The following VAC14 variants were observed in gnomAD, a reference collection of about 807,000 sequenced individuals.
VAC14 encodes protein VAC14 homolog.
VAC14 carries 47 observed loss-of-function variants against 85.3 expected under a neutral mutation model. The ratio of observed to expected loss-of-function variants is 0.55; its 90% CI spans 0.44 to 0.70. The LOEUF (loss-of-function observed/expected upper bound fraction) is 0.70. Ranked by LOEUF, VAC14 falls within the 30% of genes least tolerant of loss-of-function variation. VAC14 has a pLI of 0.00. For synonymous variants in VAC14, 447 were observed against 430.5 expected, an observed-to-expected ratio of 1.04 and a Z score of -0.47; for missense variants, 861 against 1,004.3, an observed-to-expected ratio of 0.86 and a Z score of 1.93.
intron 14 of VAC14, among the ~76,000 whole-genome samples, chr16:70,727,056 T>C (rs1024990972): frequency 2.6e-5 from 4 of 152,216 alleles, no homozygotes; most frequent in Non-Finnish European, 5.9e-5. Flanking sequence ...CCCCACCAGA[T>C]GTGTGTCTTC....
At chr16:70,738,941 T>C (rs1346446899) in intron 13 of VAC14, among the ~76,000 whole-genome samples, 2 of 152,144 alleles carry the variant, frequency 1.3e-5, no homozygotes, top group East Asian at 1.9e-4. Flanking sequence ...AGATGTGAAC[T>C]TCACCACCCA....
At chr16:70,706,161 G>C (rs2053916772) in intron 14 of VAC14, among the ~76,000 whole-genome samples, 1 of 152,224 alleles carries the variant, frequency 6.6e-6, no homozygotes, top group Non-Finnish European at 1.5e-5. Flanking sequence ...GGGTGTCATG[G>C]GGCATGGGGT....
Position 70,783,135 on chromosome 16 carries a change from C to G in VAC14, c.709G>C (p.Glu237Gln), listed in dbSNP as rs772499079. ...TTTAAGAATTCTCCAAGAACAACCT[C>G]ACACCTATGAACAAGAACAGGAAAG... ...DNGKEIRKMC[E>Q]VVLGEFLKEI... Residue 237 changes from glutamate to glutamine, a missense_variant, in exon 7 of 19, where the codon GAG becomes CAG. Glu to Gln is a conservative substitution (Grantham distance 29, BLOSUM62 2). Transcript: ENST00000261776. The G allele has an allele frequency of 6.2e-7, 1 of 1,613,780 alleles. No homozygotes were observed. The highest frequency in any genetic ancestry group is 8.5e-7 in the Non-Finnish European group (1 of 1,179,860).
chr16:70,708,189 C>T (rs1172205138), intron 14 of VAC14, among the ~76,000 whole-genome samples: 1 of 152,206 alleles, frequency 6.6e-6, no homozygotes, highest in Non-Finnish European at 1.5e-5. Context: ...ACAGCCCTCC[C>T]CTGTCTCCTG....
At chr16:70,696,876 C>A in intron 16 of VAC14, 1 of 415,414 alleles carries the variant, frequency 2.4e-6, no homozygotes, top group Non-Finnish European at 4.6e-6. Flanking sequence ...GCTGGGCCTA[C>A]TCAGTCCCAA....
intron 9 of VAC14, among the ~76,000 whole-genome samples, chr16:70,776,581 CT>C (rs1168831082): frequency 2.6e-5 from 4 of 152,006 alleles, no homozygotes; most frequent in Non-Finnish European, 5.9e-5. Flanking sequence ...AACTTTTAAC[CT>C]TTTTTCAGTT....
intron 13 of VAC14, among the ~76,000 whole-genome samples, chr16:70,737,103 C>T (rs1475999051): frequency 6.6e-6 from 1 of 152,184 alleles, no homozygotes; most frequent in Non-Finnish European, 1.5e-5. Context: ...ACAAGCTCAC[C>T]CCGGGAGGGT....
intron 9 of VAC14, 67 bp from the exon 10 acceptor site, chr16:70,772,239 G>T: frequency 7.3e-7 from 1 of 1,372,334 alleles, no homozygotes; most frequent in Non-Finnish European, 1.0e-6. Context: ...CAAGACCCCT[G>T]TGACAAGCAC....
chr16:70,718,277 A>G (rs907261589), intron 14 of VAC14, among the ~76,000 whole-genome samples: 1 of 152,234 alleles, frequency 6.6e-6, no homozygotes, highest in African/African-American at 2.4e-5. Flanking sequence ...CTCTTTTAAG[A>G]AAACTGTGCT....
At chr16:70,732,091 G>A (rs2054607731) in intron 13 of VAC14, among the ~76,000 whole-genome samples, 1 of 152,214 alleles carries the variant, frequency 6.6e-6, no homozygotes, top group Non-Finnish European at 1.5e-5. Context: ...GTGTCAGTGA[G>A]TCAAGTCATT....
At chr16:70,781,392 G>T (rs1329839271) in intron 8 of VAC14, among the ~76,000 whole-genome samples, 2 of 152,182 alleles carry the variant, frequency 1.3e-5, no homozygotes, top group Non-Finnish European at 2.9e-5. Context: ...ATATAGAGTG[G>T]TCCCAGCCAG....
intron 13 of VAC14, among the ~76,000 whole-genome samples, chr16:70,742,907 T>C (rs1254972451): frequency 6.6e-6 from 1 of 152,264 alleles, no homozygotes; most frequent in Non-Finnish European, 1.5e-5. Flanking sequence ...GGAGAACTTT[T>C]CTGTCTAGCT....
intron 7 of VAC14, among the ~76,000 whole-genome samples, chr16:70,782,642 GA>G (rs2033869196): frequency 6.6e-6 from 1 of 152,210 alleles, no homozygotes; most frequent in Non-Finnish European, 1.5e-5. Flanking sequence ...ACAGACTTAT[GA>G]TAAGTGACTG....
At chr16:70,713,951 G>C (rs181479804) in intron 14 of VAC14, 17 of 152,370 alleles carry the variant, frequency 1.1e-4, no homozygotes, top group African/African-American at 4.1e-4. Flanking sequence ...AGAAAGGCTT[G>C]AACTCTTCTT....
At chr16:70,783,694 G>C (rs1470245820) in intron 5 of VAC14, 140 bp from the exon 6 acceptor site, 5 of 796,798 alleles carry the variant, frequency 6.3e-6, no homozygotes, top group Non-Finnish European at 1.0e-5. Context: ...CATGTGGGAG[G>C]AGGGTGCTGG....
At chr16:70,714,690 G>GT (rs1239306134) in intron 14 of VAC14, 1 of 152,388 alleles carries the variant, frequency 6.6e-6, no homozygotes, top group East Asian at 1.9e-4. Context: ...GATGTCTGCG[G>GT]TGTCGAGATG....
chr16:70,737,482 G>C (rs929627652), intron 13 of VAC14, among the ~76,000 whole-genome samples: 1 of 152,204 alleles, frequency 6.6e-6, no homozygotes, highest in Non-Finnish European at 1.5e-5. Flanking sequence ...ATCCTGCAGA[G>C]GGCAGGAGCA....
intron 1 of VAC14, 129 bp downstream of exon 1, chr16:70,800,668 A>G (rs1029031359): frequency 8.3e-6 from 6 of 721,848 alleles, no homozygotes; most frequent in Non-Finnish European, 1.4e-5. Flanking sequence ...ATCTGCTCTT[A>G]AACACTGCGC....
chr16:70,739,269 C>T (rs1008899404), intron 13 of VAC14, among the ~76,000 whole-genome samples: 1 of 152,164 alleles, frequency 6.6e-6, no homozygotes, highest in South Asian at 2.1e-4. Context: ...GCTCGTGATC[C>T]CTACTGCTGC....
Sources: allele counts gnomAD v4.1 joint callset (sites outside exome capture counted in the v4.1 genomes callset), GRCh38; gene constraint gnomAD v4.1.1; transcripts MANE v1.5; gene names NCBI Gene and HGNC (gene_info 2026-07-23, HGNC 2026-07-21).